Variants in FAT4 observed in about 807,000 individuals in gnomAD.
FAT4 encodes the protein protocadherin Fat 4.
A neutral mutation model predicts 303.9 loss-of-function variants in FAT4; 84 were observed. The ratio of observed to expected loss-of-function variants is 0.28; its 90% CI spans 0.23 to 0.33. The LOEUF (loss-of-function observed/expected upper bound fraction) is 0.33, where lower values mean the gene tolerates loss of function less well. Among genes scored for constraint, FAT4 ranks in the 10% least tolerant of loss-of-function variants. FAT4 has a pLI of 1.00. For synonymous variants in FAT4, 2,307 were observed against 2,298.8 expected (o/e 1.00, Z -0.10); for missense variants, 6,005 against 6,146.8 (o/e 0.98, Z 0.77).
At chr4:125,324,525 T>C (rs1463015242) in intron 2 of FAT4, among the ~76,000 whole-genome samples, 1 of 152,206 alleles carries the variant, frequency 6.6e-6, no homozygotes, top group East Asian at 1.9e-4. Context: ...ATAAATCTGA[T>C]GCTGCTCATT....
chr4:125,416,368 A>ATT, intron 6 of FAT4, 80 bp from the exon 7 acceptor site: 19 of 1,109,674 alleles, frequency 1.7e-5, no homozygotes, highest in Non-Finnish European at 2.3e-5. Flanking sequence ...GTTTTACCTC[A>ATT]TTTTTTTTTA....
chr4:125,321,535 T>A lies in FAT4; in HGVS notation c.5124T>A (p.Asp1708Glu). Residue 1708 changes from aspartate (D) to glutamate (E), a missense_variant, in exon 2 of 18, where the codon GAT (aspartate) becomes GAA (glutamate). Asp to Glu is a conservative substitution (Grantham distance 45, BLOSUM62 2). Transcript: ENST00000394329. ...REQGACLYLV[D>E]VYAIEKSTAF... is the part of the protein sequence containing the mutation. Reference sequence around the variant, plus strand: ...AAGGAGCATGTCTTTACCTGGTGGATGTTTATGCCATAGAAAAATCAACTG... The same window carrying A: ...AAGGAGCATGTCTTTACCTGGTGGAAGTTTATGCCATAGAAAAATCAACTG... The A allele has an allele frequency of 6.2e-7, 1 of 1,613,242 alleles. No homozygotes were observed.
chr4:125,352,493 C>T (rs1732264442), intron 2 of FAT4, among the ~76,000 whole-genome samples: 1 of 151,764 alleles, frequency 6.6e-6, no homozygotes. Context: ...AATGCACTAG[C>T]ATGCAGGCCA....
chr4:125,480,996 A>G (rs1190074109), intron 15 of FAT4, among the ~76,000 whole-genome samples: 1 of 152,114 alleles, frequency 6.6e-6, no homozygotes. Flanking sequence ...ACAATAAACT[A>G]TAATATACAT....
intron 2 of FAT4, among the ~76,000 whole-genome samples, chr4:125,349,730 G>A (rs182651365): frequency 1.3e-5 from 2 of 151,656 alleles, no homozygotes; most frequent in Admixed American, 1.3e-4. Flanking sequence ...CATTTTGCTT[G>A]ACATTCGTAT....
chr4:125,425,959 A>G (rs1410709687), intron 7 of FAT4, among the ~76,000 whole-genome samples: 1 of 152,112 alleles, frequency 6.6e-6, no homozygotes, highest in Non-Finnish European at 1.5e-5. Context: ...TTTCATTCTT[A>G]TGCAGGGATT....
chr4:125,482,198 G>T (rs1727254921), intron 16 of FAT4, among the ~76,000 whole-genome samples: 1 of 152,096 alleles, frequency 6.6e-6, no homozygotes, highest in African/African-American at 2.4e-5. Context: ...AAAACATTTT[G>T]AAATTATATG....
At position 125,401,476 on chromosome 4, in the gene FAT4, G is replaced by C. The variant is rs137964917; in HGVS notation, c.5307+2561G>C. On this transcript the variant is annotated intron_variant, in intron 3 of 17. Coordinates refer to ENST00000394329, the MANE Select transcript of FAT4 (RefSeq NM_001291303.3). ...TCTTCATCTAGTTTGAGTAAGACTC[G>C]AGATTATGTAGGTCATCAGCCAATT... Among the ~76,000 whole-genome samples the C allele has an allele frequency of 2.9e-4, 44 of 151,796 alleles. 1 individual carries two copies. In the East Asian group the frequency reaches 8.5e-3, roughly 29 times the overall value.
At chr4:125,397,662 A>G (rs1039368601) in intron 2 of FAT4, among the ~76,000 whole-genome samples, 1 of 152,136 alleles carries the variant, frequency 6.6e-6, no homozygotes, top group Non-Finnish European at 1.5e-5. Flanking sequence ...TAAATTGCTC[A>G]TTTATTTGTC....
chr4:125,472,985 C>G (rs1726914762), intron 12 of FAT4, among the ~76,000 whole-genome samples: 1 of 151,922 alleles, frequency 6.6e-6, no homozygotes, highest in African/African-American at 2.4e-5. Context: ...TCCTTTTGAA[C>G]TTAGTGTTAA....
intron 7 of FAT4, among the ~76,000 whole-genome samples, chr4:125,419,837 G>A (rs1735217985): frequency 6.6e-6 from 1 of 152,178 alleles, no homozygotes; most frequent in Non-Finnish European, 1.5e-5. Context: ...CTGGAAATCA[G>A]TAAGTGCTTT....
chr4:125,408,446 T>G lies in FAT4; in HGVS notation c.5572T>G (p.Ser1858Ala). ...FDIPEDTIPG[S>A]LVAAILATDD... ...CTATTAATTTATTCTTTTGATAGGT[T>G]CTTTGGTAGCAGCCATTTTAGCCAC... The change falls in exon 5 of 18, where the codon TCT becomes GCT. Residue 1858 changes from serine (S) to alanine (A), a missense_variant and splice_region_variant. Transcript: ENST00000394329. The G allele has an allele frequency of 6.3e-7, 1 of 1,585,240 alleles. No homozygotes were observed. The highest frequency in any genetic ancestry group is 1.2e-5 in the South Asian group (1 of 86,854).
At chr4:125,384,987 C>CACAT (rs1733677843) in intron 2 of FAT4, among the ~76,000 whole-genome samples, 1 of 138,292 alleles carries the variant, frequency 7.2e-6, no homozygotes, top group Admixed American at 7.5e-5. Context: ...GAAACACACA[C>CACAT]ATATATATAT....
chr4:125,383,414 T>A (rs1157095418), intron 2 of FAT4, among the ~76,000 whole-genome samples: 1 of 152,136 alleles, frequency 6.6e-6, no homozygotes, highest in African/African-American at 2.4e-5. Context: ...AGTAGAGGAC[T>A]CTGAACACAC....
At chr4:125,453,739 G>T (rs1180999280) in intron 10 of FAT4, among the ~76,000 whole-genome samples, 1 of 151,742 alleles carries the variant, frequency 6.6e-6, no homozygotes, top group African/African-American at 2.4e-5. Flanking sequence ...TATTCCTAAT[G>T]GTTGGGTAGA....
At position 125,452,822 on chromosome 4, in the gene FAT4, T is replaced by A. The variant is rs1300151108; in HGVS notation, c.11800+12T>A. 6.3e-7 allele frequency: 1 copy of A among 1,585,540 alleles called. No homozygotes were observed. The highest frequency in any genetic ancestry group is 1.8e-5 in the Admixed American group (1 of 56,112). On this transcript the variant is annotated intron_variant, in intron 10 of 17. Coordinates refer to ENST00000394329, the MANE Select transcript of FAT4 (RefSeq NM_001291303.3). ...AACTGGATACACAGGTATGACAACGTTTGTACTTTTCTCACTAAGACTTTA... is the reference window on the plus strand; with the variant it reads ...AACTGGATACACAGGTATGACAACGATTGTACTTTTCTCACTAAGACTTTA...
chr4:125,407,094 T>C lies in FAT4; in HGVS notation c.5522T>C (p.Phe1841Ser), dbSNP rs771116887. Residue 1841 changes from phenylalanine to serine, a missense_variant, in exon 4 of 18, where the codon TTT becomes TCT. Coordinates refer to ENST00000394329, the MANE Select transcript of FAT4 (RefSeq NM_001291303.3). ...GATGTGAATGACCATACACCCAAAT[T>C]TTCCAGACCCGTGTACTCTTTTGAC... ...VSDVNDHTPK[F>S]SRPVYSFDIP... 7 of 1,613,762 alleles carry C rather than the reference T, an allele frequency of 4.3e-6. No individual in the cohort carries two copies. The highest frequency in any genetic ancestry group is 5.9e-6 in the Non-Finnish European group (7 of 1,179,798).
chr4:125,373,273 G>C (rs1021574945), intron 2 of FAT4, among the ~76,000 whole-genome samples: 1 of 151,988 alleles, frequency 6.6e-6, no homozygotes, highest in East Asian at 1.9e-4. Context: ...TTGCCATGAT[G>C]CAGGTTTCAC....
Position 125,317,687 on chromosome 4 carries a change from T to A in FAT4, c.1276T>A (p.Leu426Met), listed in dbSNP as rs1235926992. 2 of 1,613,930 alleles carry A rather than the reference T, an allele frequency of 1.2e-6. No homozygotes were observed. Among genetic ancestry groups the A allele is most frequent in the Admixed American group, 1.7e-5 (1 of 59,990 alleles). The change falls in exon 2 of 18, where the codon TTG becomes ATG. Residue 426 changes from leucine (L) to methionine (M), a missense_variant. Transcript: ENST00000394329. The surrounding 1 kb of genome is among the most constrained non-coding windows in gnomAD (Gnocchi z 7.0). ...NLSLIKVASALDRERIPSYNL... is the reference protein window; with the variant it reads ...NLSLIKVASAMDRERIPSYNL... ...GAGCCTAATCAAGGTGGCCAGCGCC[T>A]TGGACCGCGAGCGCATCCCTTCCTA...
Sources: allele counts gnomAD v4.1 joint callset (sites outside exome capture counted in the v4.1 genomes callset), GRCh38; gene constraint gnomAD v4.1.1; non-coding constraint Gnocchi (gnomAD v3.1); transcripts MANE v1.5; gene names NCBI Gene and HGNC (gene_info 2026-07-23, HGNC 2026-07-21).